The following EPHA3 variants were observed in gnomAD, a reference collection of about 807,000 sequenced individuals.
EPHA3 encodes the protein ephrin type-A receptor 3.
A neutral mutation model predicts 107.1 loss-of-function variants in EPHA3; 42 were observed. The observed-to-expected ratio is 0.39, with a 90% CI of 0.31 to 0.51. The LOEUF is 0.51. Ranked by LOEUF, EPHA3 falls within the 20% of genes least tolerant of loss-of-function variation. The pLI, the probability that EPHA3 is intolerant of heterozygous loss-of-function variation, is 0.78. For synonymous variants in EPHA3, 461 were observed against 424.8 expected (o/e 1.09, Z -1.05); for missense variants, 1,183 against 1,211.2 (o/e 0.98, Z 0.35).
intron 2 of EPHA3, among the ~76,000 whole-genome samples, chr3:89,142,650 T>C (rs1704455680): frequency 6.6e-6 from 1 of 151,536 alleles, no homozygotes; most frequent in Non-Finnish European, 1.5e-5. Context: ...TTTTGAATTG[T>C]CATCTTAGAA....
chr3:89,169,652 G>A (rs1343420994), intron 2 of EPHA3, among the ~76,000 whole-genome samples: 1 of 152,088 alleles, frequency 6.6e-6, no homozygotes, highest in Non-Finnish European at 1.5e-5. Context: ...TTTCAAAATT[G>A]TGCCTATGAC....
At position 89,218,712 on chromosome 3, in the gene EPHA3, C is replaced by CA. The variant is rs557939408; in HGVS notation, c.814+8199dup. 3.9e-3 allele frequency among the ~76,000 whole-genome samples: 583 copies of CA among 151,378 alleles called. 2 individuals are homozygous for CA. The highest frequency in any genetic ancestry group is 6.4e-3 in the Admixed American group (98 of 15,198). On this transcript the variant is annotated intron_variant, in intron 3 of 16. Coordinates refer to ENST00000336596, the MANE Select transcript of EPHA3 (RefSeq NM_005233.6). ...TTCTAGAAGAAGACATTTATGCAGC[C>CA]AAAAAAATATGAAAAAATGCTCATC...
Position 89,350,200 on chromosome 3 carries a change from C to A in EPHA3, c.1306+8110C>A, listed in dbSNP as rs1276396623. Among the ~76,000 whole-genome samples, 3 of 131,524 alleles carry A rather than the reference C, an allele frequency of 2.3e-5. No homozygotes were observed. The Admixed American group carries it at 2.3e-4, about 10-fold the overall frequency. 86.3% of individuals were successfully genotyped at this position (131,524 alleles called of 152,430 possible). ...TTGGGGAAGTTCTCCTGGATAATAT[C>A]CTGCAGAGTGTTTTCCAACTTGGTT... On this transcript the variant is annotated intron_variant, in intron 5 of 16. Transcript: ENST00000336596.
At chr3:89,244,653 A>C (rs1704989992) in intron 3 of EPHA3, among the ~76,000 whole-genome samples, 1 of 152,224 alleles carries the variant, frequency 6.6e-6, no homozygotes, top group South Asian at 2.1e-4. Context: ...GAAATATTTT[A>C]AATTAGCTCT....
intron 5 of EPHA3, among the ~76,000 whole-genome samples, chr3:89,351,769 A>G (rs539863874): frequency 1.3e-5 from 2 of 151,448 alleles, no homozygotes; most frequent in Admixed American, 1.3e-4. Context: ...ATACTAGTCA[A>G]CTTTTGTTCA....
chr3:89,468,237 T>TG (rs1710328409), intron 15 of EPHA3, among the ~76,000 whole-genome samples: 1 of 115,830 alleles, frequency 8.6e-6, no homozygotes, highest in Non-Finnish European at 1.7e-5. Flanking sequence ...CTGAGGTCAT[T>TG]GGCATTAAAA....
intron 3 of EPHA3, among the ~76,000 whole-genome samples, chr3:89,296,821 T>G (rs1354248886): frequency 6.6e-6 from 1 of 152,210 alleles, no homozygotes; most frequent in African/African-American, 2.4e-5. Flanking sequence ...TCTTGTTACG[T>G]GTAGCCATCT....
intron 2 of EPHA3, among the ~76,000 whole-genome samples, chr3:89,183,564 G>C (rs567577022): frequency 1.1e-4 from 16 of 151,866 alleles, no homozygotes; most frequent in African/African-American, 3.9e-4. Context: ...ATTGCCTAAA[G>C]TTCTGAAGTA....
intron 3 of EPHA3, among the ~76,000 whole-genome samples, chr3:89,321,014 TTCTC>T (rs1335080983): frequency 6.6e-6 from 1 of 151,912 alleles, no homozygotes; most frequent in Non-Finnish European, 1.5e-5. Context: ...GCCTTTTTTT[TTCTC>T]TCTCTCTATA....
intron 3 of EPHA3, among the ~76,000 whole-genome samples, chr3:89,322,133 GGAGAGAGA>G (rs145525527): frequency 6.7e-6 from 1 of 149,764 alleles, no homozygotes; most frequent in African/African-American, 2.4e-5. Flanking sequence ...GAGGGGGGTT[GGAGAGAGA>G]GAGAGAGAGA....
intron 3 of EPHA3, among the ~76,000 whole-genome samples, chr3:89,254,744 C>T (rs1186371271): frequency 6.6e-6 from 1 of 152,180 alleles, no homozygotes; most frequent in Non-Finnish European, 1.5e-5. Flanking sequence ...TAGATTTAGA[C>T]CATCTTTCAA....
intron 3 of EPHA3, among the ~76,000 whole-genome samples, chr3:89,233,555 G>A (rs879342125): frequency 6.6e-5 from 10 of 152,094 alleles, no homozygotes; most frequent in Admixed American, 3.9e-4. Flanking sequence ...ACTTTGCACC[G>A]GCTGTTGTTT....
At chr3:89,440,192 T>G (rs1016034199) in intron 13 of EPHA3, among the ~76,000 whole-genome samples, 2 of 152,172 alleles carry the variant, frequency 1.3e-5, no homozygotes, top group African/African-American at 4.8e-5. Context: ...TTTTAGTCCT[T>G]GACAATACAT....
Position 89,419,310 on chromosome 3 carries a change from G to A in EPHA3, c.1994G>A (p.Arg665Lys). 6.2e-7 allele frequency: 1 copy of A among 1,610,504 alleles called. No individual in the cohort carries two copies. Among genetic ancestry groups the A allele is most frequent in the Non-Finnish European group, 8.5e-7 (1 of 1,177,752 alleles). The change falls in exon 11 of 17, where the codon AGA (arginine) becomes AAA (lysine). Residue 665 changes from arginine (R) to lysine (K), a missense_variant. Arg to Lys is a conservative substitution (Grantham distance 26, BLOSUM62 2). Coordinates refer to ENST00000336596, the MANE Select transcript of EPHA3 (RefSeq NM_005233.6). The part of the protein sequence containing the change: ...LKVGYTEKQR[R>K]DFLGEASIMG... The stretch of plus-strand genomic sequence containing the variant: ...GTTGGCTACACAGAAAAGCAGAGGA[G>A]AGACTTCCTGGGAGAAGCAAGCATT...
intron 2 of EPHA3, among the ~76,000 whole-genome samples, chr3:89,196,208 G>T (rs942866349): frequency 6.6e-6 from 1 of 152,068 alleles, no homozygotes; most frequent in African/African-American, 2.4e-5. Flanking sequence ...CATCCTTTGA[G>T]GTTTTATTTA....
At chr3:89,382,763 G>T (rs1708537955) in intron 5 of EPHA3, among the ~76,000 whole-genome samples, 1 of 152,142 alleles carries the variant, frequency 6.6e-6, no homozygotes, top group African/African-American at 2.4e-5. Flanking sequence ...GAAGAATATT[G>T]CTTGCTGGAA....
At chr3:89,417,352 AG>A (rs1487316800) in intron 10 of EPHA3, among the ~76,000 whole-genome samples, 1 of 151,468 alleles carries the variant, frequency 6.6e-6, no homozygotes, top group Admixed American at 6.6e-5. Context: ...TAAACTGACA[AG>A]TGACATGTCA....
At chr3:89,133,369 A>T (rs1050878619) in intron 2 of EPHA3, among the ~76,000 whole-genome samples, 2 of 152,226 alleles carry the variant, frequency 1.3e-5, no homozygotes, top group South Asian at 4.1e-4. Flanking sequence ...AATCATTATT[A>T]CTAGGCTCAA....
At chr3:89,476,609 A>T (rs1391184863) in intron 16 of EPHA3, among the ~76,000 whole-genome samples, 1 of 134,562 alleles carries the variant, frequency 7.4e-6, no homozygotes, top group African/African-American at 2.6e-5. Flanking sequence ...TTATTTATTT[A>T]TTTATTTAAT....
Sources: allele counts gnomAD v4.1 joint callset (sites outside exome capture counted in the v4.1 genomes callset), GRCh38; gene constraint gnomAD v4.1.1; transcripts MANE v1.5; gene names NCBI Gene and HGNC (gene_info 2026-07-23, HGNC 2026-07-21).